Variants in GPC6 observed in about 807,000 individuals in gnomAD.
The protein encoded by GPC6 is glypican-6.
In GPC6, 14 loss-of-function variants were observed where a neutral mutation model predicts 55.2. The observed-to-expected ratio is 0.25, with a 90% confidence interval of 0.17 to 0.40. GPC6 has a LOEUF of 0.40. Ranked by LOEUF, GPC6 falls within the 10% of genes least tolerant of loss-of-function variation. The pLI, the probability that GPC6 is intolerant of heterozygous loss-of-function variation, is 1.00. For synonymous variants in GPC6, 278 were observed against 259.6 expected (o/e 1.07, Z -0.68); for missense variants, 641 against 708.5 (o/e 0.90, Z 1.08).
chr13:93,842,469 T>C (rs1490402925), intron 3 of GPC6, among the ~76,000 whole-genome samples: 1 of 152,166 alleles, frequency 6.6e-6, no homozygotes, highest in East Asian at 1.9e-4. Context: ...AAGTCTTTTT[T>C]ATTTGTGCAG....
chr13:93,978,297 A>G (rs1880614510), intron 3 of GPC6, among the ~76,000 whole-genome samples: 1 of 152,190 alleles, frequency 6.6e-6, no homozygotes, highest in Non-Finnish European at 1.5e-5. Flanking sequence ...TCTTATCTCC[A>G]GATGAGATAG....
In GPC6 at chr13:93,285,634, G is replaced by GTGTGTGTGTGTGTGTA. The variant is rs1555287680; in HGVS notation, c.160+58033_160+58034insATGTGTGTGTGTGTGT. Among the ~76,000 whole-genome samples the GTGTGTGTGTGTGTGTA allele has an allele frequency of 3.7e-4, 54 of 147,022 alleles. No homozygotes were observed. The East Asian group carries it at 4.9e-3, about 13-fold the overall frequency. On this transcript the variant is annotated intron_variant, in intron 1 of 8. Transcript: ENST00000377047. Reference sequence around the variant, plus strand: ...TATACTGCTGTGTGTGTGTGTGTGTGTGTGTGTGTGTGTGTGTGTGTGTGT... The same window carrying GTGTGTGTGTGTGTGTA: ...TATACTGCTGTGTGTGTGTGTGTGTGTGTGTGTGTGTGTGTATGTGTGTGTGTGTGTGTGTGTGTGT...
chr13:93,516,315 G>A (rs997264366), intron 1 of GPC6, among the ~76,000 whole-genome samples: 2 of 152,122 alleles, frequency 1.3e-5, no homozygotes, highest in African/African-American at 2.4e-5. Context: ...AACATGGAAT[G>A]CTTGAATGGA....
chr13:93,856,884 A>C (rs1387112288), intron 3 of GPC6, among the ~76,000 whole-genome samples: 1 of 151,648 alleles, frequency 6.6e-6, no homozygotes, highest in Admixed American at 6.6e-5. Context: ...GTGGTTAAAT[A>C]GGCAAAGCCA....
chr13:93,285,700 T>C (rs570788153), intron 1 of GPC6, among the ~76,000 whole-genome samples: 66 of 149,310 alleles, frequency 4.4e-4, no homozygotes, highest in African/African-American at 1.6e-3. Context: ...GTAATAATAA[T>C]TATATCTTTT....
intron 4 of GPC6, among the ~76,000 whole-genome samples, chr13:94,149,047 G>A (rs1157897981): frequency 7.2e-5 from 11 of 152,072 alleles, no homozygotes; most frequent in Non-Finnish European, 1.6e-4. Flanking sequence ...CTTGGACTCG[G>A]CTTACAGATC....
At chr13:93,906,351 C>T (rs1396635586) in intron 3 of GPC6, among the ~76,000 whole-genome samples, 1 of 152,070 alleles carries the variant, frequency 6.6e-6, no homozygotes, top group Non-Finnish European at 1.5e-5. Flanking sequence ...GAGAAGGAAC[C>T]CCAAAAGGTT....
rs145186255 is a variant in GPC6 at position 93,995,441 on chromosome 13, G to A, written c.712-32288G>A. ...AACCTCAAGTGATCCGTCCACCTTG[G>A]CCTCCCAAAGTGCTGGAATAACAGG... On this transcript the variant is annotated intron_variant, in intron 3 of 8. Coordinates refer to ENST00000377047, the MANE Select transcript of GPC6 (RefSeq NM_005708.5). Among the ~76,000 whole-genome samples, 1,822 of 152,134 alleles carry A rather than the reference G, an allele frequency of 0.012. 62 individuals carry two copies. The East Asian group carries it at 0.12, about 10-fold the overall frequency.
intron 4 of GPC6, among the ~76,000 whole-genome samples, chr13:94,076,610 C>G (rs1775893045): frequency 6.6e-6 from 1 of 151,892 alleles, no homozygotes; most frequent in Admixed American, 6.6e-5. Context: ...TTTAGAGTTT[C>G]AGGTCTTATG....
At chr13:93,479,610 C>CG (rs1175924829) in intron 1 of GPC6, among the ~76,000 whole-genome samples, 8 of 77,030 alleles carry the variant, frequency 1.0e-4, no homozygotes, top group Non-Finnish European at 2.7e-4. Context: ...GTGGTGAGAC[C>CG]CCCCCCCATC....
At chr13:94,314,175 C>T (rs904008482) in intron 6 of GPC6, among the ~76,000 whole-genome samples, 1 of 152,104 alleles carries the variant, frequency 6.6e-6, no homozygotes, top group Non-Finnish European at 1.5e-5. Context: ...GAGAACAGTA[C>T]ATAGTATAGA....
intron 2 of GPC6, among the ~76,000 whole-genome samples, chr13:93,639,823 G>A (rs1005674599): frequency 6.6e-6 from 1 of 152,042 alleles, no homozygotes; most frequent in Non-Finnish European, 1.5e-5. Context: ...CTGCAATCTG[G>A]AATGGGAAAA....
At chr13:93,891,860 A>ATG (rs1331021754) in intron 3 of GPC6, among the ~76,000 whole-genome samples, 1 of 151,292 alleles carries the variant, frequency 6.6e-6, no homozygotes, top group Non-Finnish European at 1.5e-5. Context: ...TGTAGTGTGT[A>ATG]TGTGTATATA....
chr13:93,594,495 T>C (rs1877639971), intron 2 of GPC6, among the ~76,000 whole-genome samples: 1 of 152,064 alleles, frequency 6.6e-6, no homozygotes, highest in African/African-American at 2.4e-5. Flanking sequence ...CTGTGACTGA[T>C]TTTTCCCACT....
At chr13:93,389,695 G>T (rs1875543799) in intron 1 of GPC6, among the ~76,000 whole-genome samples, 1 of 151,458 alleles carries the variant, frequency 6.6e-6, no homozygotes, top group South Asian at 2.1e-4. Context: ...AAACACACAG[G>T]TAGTTTACTA....
chr13:94,104,064 G>A (rs955530609), intron 4 of GPC6, among the ~76,000 whole-genome samples: 3 of 152,150 alleles, frequency 2.0e-5, no homozygotes, highest in African/African-American at 4.8e-5. Flanking sequence ...TTTTGTACAA[G>A]GTGTAAGGAA....
chr13:93,812,020 A>T (rs1886707614), intron 2 of GPC6, among the ~76,000 whole-genome samples: 1 of 151,946 alleles, frequency 6.6e-6, no homozygotes, highest in African/African-American at 2.4e-5. Context: ...AAGCCATTTT[A>T]TATATTCAGT....
chr13:93,485,901 GATT>G (rs1428281928), intron 1 of GPC6, among the ~76,000 whole-genome samples: 1 of 152,158 alleles, frequency 6.6e-6, no homozygotes, highest in African/African-American at 2.4e-5. Flanking sequence ...ACTTAAGACA[GATT>G]ATTATATCAG....
At chr13:94,124,727 T>C (rs1483627194) in intron 4 of GPC6, among the ~76,000 whole-genome samples, 1 of 152,158 alleles carries the variant, frequency 6.6e-6, no homozygotes, top group Non-Finnish European at 1.5e-5. Flanking sequence ...GAAAGGTTTT[T>C]AAGAATTCAA....
Sources: gnomAD v4.1 joint callset for allele counts (sites outside exome capture counted in the v4.1 genomes callset) on GRCh38, gnomAD v4.1.1 for gene constraint, MANE v1.5 for transcripts, NCBI Gene and HGNC (gene_info 2026-07-23, HGNC 2026-07-21) for gene names.